The following NUP88 variants were observed in gnomAD, a reference collection of about 807,000 sequenced individuals.
NUP88 encodes nuclear pore complex protein Nup88.
NUP88 carries 57 observed loss-of-function variants against 93.9 expected under a neutral mutation model. The ratio of observed to expected loss-of-function variants is 0.61; its 90% confidence interval spans 0.49 to 0.76. The LOEUF (loss-of-function observed/expected upper bound fraction) is 0.76. Ranked by LOEUF, NUP88 falls within the 30% of genes least tolerant of loss-of-function variation. NUP88 has a pLI of 0.00. For missense variants in NUP88, 911 were observed against 901.0 expected (o/e 1.01, Z -0.14); for synonymous variants, 346 against 336.8 (o/e 1.03, Z -0.30).
intron 7 of NUP88, among the ~76,000 whole-genome samples, chr17:5,403,112 G>A (rs554462823): frequency 1.3e-5 from 2 of 152,312 alleles, no homozygotes; most frequent in African/African-American, 4.8e-5. Flanking sequence ...GGAAGGCCGA[G>A]GCAGGTGGAC....
intron 7 of NUP88, among the ~76,000 whole-genome samples, chr17:5,402,817 G>A (rs1274195322): frequency 6.6e-6 from 1 of 152,102 alleles, no homozygotes. Flanking sequence ...GGACGACATG[G>A]CAAAATCCCG....
chr17:5,398,522 C>T (rs1380409166), intron 8 of NUP88, among the ~76,000 whole-genome samples: 1 of 150,828 alleles, frequency 6.6e-6, no homozygotes. Flanking sequence ...CTCCCCTGAC[C>T]TCGGGTGATC....
intron 7 of NUP88, among the ~76,000 whole-genome samples, chr17:5,401,370 G>A (rs185210317): frequency 2.2e-3 from 318 of 144,770 alleles, no homozygotes; most frequent in African/African-American, 7.6e-3. Context: ...CAACAAGAGC[G>A]AAACTCCGTC....
At chr17:5,410,837 T>C (rs904680143) in intron 3 of NUP88, 48 bp from the exon 4 acceptor site, 6 of 1,278,744 alleles carry the variant, frequency 4.7e-6, no homozygotes, top group African/African-American at 3.0e-5. Flanking sequence ...TCTGTTTTCA[T>C]TTCCCAAAAC....
chr17:5,385,147 T>C lies in NUP88; in HGVS notation c.*1059A>G, dbSNP rs988922578. 1 of 229,794 alleles carries C rather than the reference T, an allele frequency of 4.4e-6. No homozygotes were observed. Among genetic ancestry groups the C allele is most frequent in the Non-Finnish European group, 8.6e-6 (1 of 115,896 alleles). 14.2% of individuals were successfully genotyped at this position (229,794 alleles called of 1,614,324 possible). ...TGCCAACTGTTGGAATTCACTTTAT[T>C]GTAGAAAAACCCAAACTGAGACTCT... On this transcript the variant is annotated 3_prime_UTR_variant, in exon 17 of 17. Coordinates refer to ENST00000573584, the MANE Select transcript of NUP88 (RefSeq NM_002532.6).
chr17:5,386,319 T>C (rs757050648), intron 16 of NUP88, 50 bp from the exon 17 acceptor site: 4 of 1,346,632 alleles, frequency 3.0e-6, no homozygotes, highest in Non-Finnish European at 4.2e-6. Flanking sequence ...AAACCATTTA[T>C]ATGGATTCTT....
intron 3 of NUP88, among the ~76,000 whole-genome samples, chr17:5,413,742 C>A (rs1439744112): frequency 6.6e-6 from 1 of 151,988 alleles, no homozygotes; most frequent in African/African-American, 2.4e-5. Context: ...AAAAGGGTGA[C>A]AATGATGAAA....
chr17:5,410,548 A>C (rs896088097), intron 4 of NUP88, among the ~76,000 whole-genome samples, 155 bp downstream of exon 4: 1 of 152,196 alleles, frequency 6.6e-6, no homozygotes, highest in African/African-American at 2.4e-5. Context: ...CCTGGCCAAC[A>C]CGACGAATCC....
chr17:5,407,351 G>A (rs1913559073), intron 5 of NUP88, among the ~76,000 whole-genome samples: 1 of 152,176 alleles, frequency 6.6e-6, no homozygotes, highest in East Asian at 1.9e-4. Flanking sequence ...GTGATGCCCT[G>A]AGCACATGAC....
At chr17:5,398,346 G>A (rs562734808) in intron 8 of NUP88, among the ~76,000 whole-genome samples, 256 of 152,164 alleles carry the variant, frequency 1.7e-3, no homozygotes, top group Middle Eastern at 6.8e-3. Context: ...CTGGAGTGCT[G>A]TGGCACGATA....
intron 4 of NUP88, among the ~76,000 whole-genome samples, 169 bp from the exon 5 acceptor site, chr17:5,409,078 A>G (rs934386657): frequency 1.3e-5 from 2 of 152,238 alleles, no homozygotes; most frequent in Non-Finnish European, 2.9e-5. Flanking sequence ...GAATGTTAAC[A>G]TTTAAAAATT....
intron 4 of NUP88, among the ~76,000 whole-genome samples, chr17:5,409,995 GA>G (rs1228220978): frequency 6.6e-6 from 1 of 152,216 alleles, no homozygotes; most frequent in Non-Finnish European, 1.5e-5. Flanking sequence ...AATGAAGCTG[GA>G]AAGGCAATCA....
intron 7 of NUP88, among the ~76,000 whole-genome samples, chr17:5,401,246 G>A (rs1344922633): frequency 6.6e-6 from 1 of 152,124 alleles, no homozygotes; most frequent in African/African-American, 2.4e-5. Context: ...AGCCAGGCGT[G>A]GCGGCACATG....
At chr17:5,414,158 C>T in intron 2 of NUP88, 24 bp from the exon 3 acceptor site, 1 of 1,604,436 alleles carries the variant, frequency 6.2e-7, no homozygotes. Flanking sequence ...AATAATTTTC[C>T]AAAACATTTT....
chr17:5,416,659 G>C lies in NUP88; in HGVS notation c.321C>G (p.Pro107=), dbSNP rs1440641342. Residue 107 remains proline (P), a synonymous_variant, in exon 2 of 17, where the codon CCC becomes CCG. Transcript: ENST00000573584. ...ACAAGACTTGATAGATTTCAAACAG[G>C]GGTGGATTTATGCAAAGCAATCTCT... ...QYQRLLCINP[P]LFEIYQVLLS... is the part of the protein sequence containing the mutation. 1.2e-6 allele frequency: 2 copies of C among 1,607,328 alleles called. No homozygotes were observed. Among genetic ancestry groups the C allele is most frequent in the Admixed American group, 3.4e-5 (2 of 58,704 alleles).
At chr17:5,402,678 T>C (rs981456832) in intron 7 of NUP88, among the ~76,000 whole-genome samples, 1 of 152,166 alleles carries the variant, frequency 6.6e-6, no homozygotes, top group African/African-American at 2.4e-5. Flanking sequence ...TCCTCCTATG[T>C]TGCAGTGAAT....
At position 5,386,149 on chromosome 17, in the gene NUP88, T is replaced by C. The variant is rs1465499758; in HGVS notation, c.*57A>G. ...TTAGATAATTCTACCTGTTTTACAA[T>C]ATGGGTTTAAGCCTTCAATGGTGTT... is the stretch of plus-strand genomic sequence containing the variant. On this transcript the variant is annotated 3_prime_UTR_variant, in exon 17 of 17. Coordinates refer to ENST00000573584, the MANE Select transcript of NUP88 (RefSeq NM_002532.6). The C allele has an allele frequency of 1.9e-5, 24 of 1,289,846 alleles. No homozygotes were observed. The highest frequency in any genetic ancestry group is 2.2e-6 in the Non-Finnish European group (2 of 915,304). 79.9% of individuals were successfully genotyped at this position (1,289,846 alleles called of 1,614,324 possible). A position where few individuals can be genotyped will look rare whatever the true frequency, so the allele number is the denominator to read the frequency against.
chr17:5,399,152 A>G (rs1912985555), intron 8 of NUP88, among the ~76,000 whole-genome samples: 1 of 148,888 alleles, frequency 6.7e-6, no homozygotes, highest in African/African-American at 2.5e-5. Flanking sequence ...CGGCCTCCCA[A>G]AGTGCTGCGA....
chr17:5,414,179 G>A (rs1293148842), intron 2 of NUP88, 45 bp from the exon 3 acceptor site: 1 of 1,570,376 alleles, frequency 6.4e-7, no homozygotes, highest in Non-Finnish European at 8.7e-7. Flanking sequence ...GTACAACTTG[G>A]ATGAAAATCT....
Sources: gnomAD v4.1 joint callset for allele counts (sites outside exome capture counted in the v4.1 genomes callset) on GRCh38, gnomAD v4.1.1 for gene constraint, MANE v1.5 for transcripts, NCBI Gene and HGNC (gene_info 2026-07-23, HGNC 2026-07-21) for gene names.